The following LCA5 variants were observed in gnomAD, a reference collection of about 807,000 sequenced individuals.
The protein encoded by LCA5 is lebercilin.
A neutral mutation model predicts 53.0 loss-of-function variants in LCA5; 37 were observed. The observed-to-expected ratio is 0.70, with a 90% confidence interval of 0.54 to 0.92. The LOEUF is 0.92. Among genes scored for constraint, LCA5 ranks in the 40% least tolerant of loss-of-function variants. The pLI, the probability that LCA5 is intolerant of heterozygous loss-of-function variation, is 0.00. For synonymous variants in LCA5, 303 were observed against 282.9 expected (o/e 1.07, Z -0.71); for missense variants, 806 against 790.5 (o/e 1.02, Z -0.23).
intron 1 of LCA5, among the ~76,000 whole-genome samples, chr6:79,536,864 G>A (rs1767149565): frequency 6.6e-6 from 1 of 152,006 alleles, no homozygotes; most frequent in Admixed American, 6.5e-5. Flanking sequence ...TCGGTCCCAG[G>A]AAGTAAATAC....
At position 79,491,782 on chromosome 6, in the gene LCA5, A is replaced by G. The variant is rs747858303; in HGVS notation, c.956-52T>C. Reference sequence around the variant, plus strand: ...TTATTACAATGAATAATGCTAAAATATATGGAATTCAGCTGGCATGTATAT... The same window carrying G: ...TTATTACAATGAATAATGCTAAAATGTATGGAATTCAGCTGGCATGTATAT... On this transcript the variant is annotated intron_variant, in intron 5 of 7. Transcript: ENST00000369846. 5 of 1,525,578 alleles carry G rather than the reference A, an allele frequency of 3.3e-6. No individual in the cohort carries two copies. The South Asian group carries it at 5.6e-5, about 17-fold the overall frequency. The allele number at this position is 1,525,578 out of a possible 1,614,324, so 94.5% of individuals were successfully genotyped here.
chr6:79,494,937 C>A (rs1484530119), intron 3 of LCA5, among the ~76,000 whole-genome samples: 1 of 152,352 alleles, frequency 6.6e-6, no homozygotes, highest in Middle Eastern at 3.4e-3. Flanking sequence ...AAAAGATAAA[C>A]CACAGACTAG....
At chr6:79,511,456 G>C (rs927930747) in intron 3 of LCA5, among the ~76,000 whole-genome samples, 1 of 152,142 alleles carries the variant, frequency 6.6e-6, no homozygotes, top group Non-Finnish European at 1.5e-5. Context: ...TGATGTCATA[G>C]GTTAGTGAGG....
rs2127680373 is a variant in LCA5 at position 79,513,722 on chromosome 6, A to G, written c.210T>C (p.Pro70=). 1 of 1,613,634 alleles carries G rather than the reference A, an allele frequency of 6.2e-7. No individual in the cohort carries two copies. The highest frequency in any genetic ancestry group is 2.2e-5 in the East Asian group (1 of 44,866). ...VHHQAPRKPS[P]KGLPNRKGVR... The stretch of plus-strand genomic sequence containing the variant: ...CTCCCTTTCTGTTTGGTAGACCCTT[A>G]GGGCTTGGTTTCCGAGGGGCTAAAA... Residue 70 remains proline (P), a synonymous_variant, in exon 3 of 8, where the codon CCT becomes CCC. Coordinates refer to ENST00000369846, the MANE Select transcript of LCA5 (RefSeq NM_001122769.3).
chr6:79,508,939 A>C (rs1770338496), intron 3 of LCA5, among the ~76,000 whole-genome samples: 1 of 152,242 alleles, frequency 6.6e-6, no homozygotes, highest in African/African-American at 2.4e-5. Context: ...AAGAAACTCA[A>C]TAGTAAATAT....
intron 1 of LCA5, among the ~76,000 whole-genome samples, chr6:79,520,292 T>C (rs1226948215): frequency 1.3e-5 from 2 of 152,000 alleles, no homozygotes; most frequent in African/African-American, 4.8e-5. Flanking sequence ...TTAAGGAAAA[T>C]GCTTATACTA....
intron 1 of LCA5, among the ~76,000 whole-genome samples, chr6:79,529,451 A>G (rs1479945891): frequency 6.6e-6 from 1 of 152,152 alleles, no homozygotes; most frequent in Non-Finnish European, 1.5e-5. Context: ...CAGAATGTAG[A>G]GGAGGGGTCA....
intron 3 of LCA5, among the ~76,000 whole-genome samples, chr6:79,509,620 C>T (rs1391419895): frequency 6.6e-6 from 1 of 151,862 alleles, no homozygotes; most frequent in Non-Finnish European, 1.5e-5. Flanking sequence ...TTTATAAAAC[C>T]AAGTCATTCC....
intron 3 of LCA5, among the ~76,000 whole-genome samples, chr6:79,504,771 CTT>C (rs1405818737): frequency 7.2e-5 from 11 of 152,074 alleles, no homozygotes; most frequent in African/African-American, 2.4e-4. Context: ...AATACGCAGA[CTT>C]TAAAAAGCAT....
At chr6:79,517,967 T>G (rs1273890040) in intron 2 of LCA5, among the ~76,000 whole-genome samples, 1 of 152,186 alleles carries the variant, frequency 6.6e-6, no homozygotes, top group Non-Finnish European at 1.5e-5. Flanking sequence ...GCTACTTTTA[T>G]TAATGGGTAC....
chr6:79,504,624 A>C (rs960975081), intron 3 of LCA5, among the ~76,000 whole-genome samples: 3 of 152,202 alleles, frequency 2.0e-5, no homozygotes, highest in Non-Finnish European at 2.9e-5. Flanking sequence ...ATATCCAGTT[A>C]GATTATAGGT....
chr6:79,489,044 T>C, intron 7 of LCA5, 40 bp downstream of exon 7: 1 of 1,609,150 alleles, frequency 6.2e-7, no homozygotes, highest in Non-Finnish European at 8.5e-7. Context: ...TCTCAAGGGA[T>C]GCTGACTTGT....
At chr6:79,529,956 T>TG (rs1356174784) in intron 1 of LCA5, among the ~76,000 whole-genome samples, 1 of 47,568 alleles carries the variant, frequency 2.1e-5, no homozygotes, top group African/African-American at 9.0e-5. Context: ...GGGGCTGTTG[T>TG]GGGGTGGGGG....
intron 1 of LCA5, among the ~76,000 whole-genome samples, chr6:79,534,602 G>A (rs2127692172): frequency 6.6e-6 from 1 of 152,266 alleles, no homozygotes; most frequent in African/African-American, 2.4e-5. Context: ...AAAGGAAGCA[G>A]AGAAAGCTTA....
chr6:79,493,752 T>C lies in LCA5; in HGVS notation c.721-2A>G. 2 of 1,608,878 alleles carry C rather than the reference T, an allele frequency of 1.2e-6. No individual in the cohort carries two copies. Among genetic ancestry groups the C allele is most frequent in the Non-Finnish European group, 8.5e-7 (1 of 1,176,876 alleles). ...CAGTTCAAGGTTTTTCGATAGCTCCTATATGTATAAATACATAAAAAGCAG... is the reference window on the plus strand; with the variant it reads ...CAGTTCAAGGTTTTTCGATAGCTCCCATATGTATAAATACATAAAAAGCAG... On this transcript the variant is annotated splice_acceptor_variant, in intron 3 of 7. Transcript: ENST00000369846. LOFTEE classifies it high-confidence loss of function.
chr6:79,527,019 T>C (rs1443836702), intron 1 of LCA5, among the ~76,000 whole-genome samples: 1 of 152,166 alleles, frequency 6.6e-6, no homozygotes, highest in South Asian at 2.1e-4. Flanking sequence ...AAGTTTGCTG[T>C]TCACCACTTC....
Position 79,487,465 on chromosome 6 carries a change from G to A in LCA5, c.1633C>T (p.Pro545Ser), listed in dbSNP as rs1291994479. Residue 545 changes from proline to serine, a missense_variant, in exon 8 of 8, where the codon CCA becomes TCA. Coordinates refer to ENST00000369846, the MANE Select transcript of LCA5 (RefSeq NM_001122769.3). ...AATGCGAACTCATTAGGGGAGGCTG[G>A]ACTTCTAACATTTCCTGAATTCTGA... ...EGQNSGNVRS[P>S]ASPNEFAFGS... is the part of the protein sequence containing the mutation. The A allele has an allele frequency of 6.2e-7, 1 of 1,613,974 alleles. No individual in the cohort carries two copies. The highest frequency in any genetic ancestry group is 1.1e-5 in the South Asian group (1 of 91,064).
rs547928956 is a variant in LCA5 at position 79,497,047 on chromosome 6, G to A, written c.721-3297C>T. The stretch of plus-strand genomic sequence containing the variant: ...ATTCTTCATGAAATGTTTTTGTAAT[G>A]TAATAAGAATCTAAAAGATAACGAC... On this transcript the variant is annotated intron_variant, in intron 3 of 7. Coordinates refer to ENST00000369846, the MANE Select transcript of LCA5 (RefSeq NM_001122769.3). Among the ~76,000 whole-genome samples the A allele has an allele frequency of 2.6e-5, 4 of 152,190 alleles. No individual in the cohort carries two copies. The East Asian group carries it at 7.7e-4, about 29-fold the overall frequency.
chr6:79,489,225 C>G lies in LCA5; in HGVS notation c.1099-9G>C, dbSNP rs546754454. The G allele has an allele frequency of 4.3e-6, 7 of 1,609,526 alleles. No homozygotes were observed. Among genetic ancestry groups the G allele is most frequent in the Middle Eastern group, 3.3e-4 (2 of 6,058 alleles). On this transcript the variant is annotated splice_polypyrimidine_tract_variant and intron_variant, in intron 6 of 7. Coordinates refer to ENST00000369846, the MANE Select transcript of LCA5 (RefSeq NM_001122769.3). ...TTTTGAGATTGCAAGTCCTATTATACGTTAAAAAAAATGCAAGTTCACAAA... is the reference window on the plus strand; with the variant it reads ...TTTTGAGATTGCAAGTCCTATTATAGGTTAAAAAAAATGCAAGTTCACAAA...
Sources: gnomAD v4.1 joint callset for allele counts (sites outside exome capture counted in the v4.1 genomes callset) on GRCh38, gnomAD v4.1.1 for gene constraint, MANE v1.5 for transcripts, NCBI Gene and HGNC (gene_info 2026-07-23, HGNC 2026-07-21) for gene names.